SMYD3: variants seen among roughly 807,000 people sequenced by gnomAD.
The protein encoded by SMYD3 is SET and MYND domain containing 3, also known as histone-lysine N-methyltransferase SMYD3.
A neutral mutation model predicts 57.7 loss-of-function variants in SMYD3; 36 were observed. That is an observed-to-expected ratio of 0.62 (90% CI 0.48 to 0.82). The LOEUF is 0.82. Ranked by LOEUF, SMYD3 falls within the 40% of genes least tolerant of loss-of-function variation. The pLI is 0.00. For synonymous variants in SMYD3, 211 were observed against 195.0 expected (o/e 1.08, Z -0.68); for missense variants, 515 against 538.8 (o/e 0.96, Z 0.44).
At chr1:246,400,978 A>G (rs570318010) in intron 1 of SMYD3, among the ~76,000 whole-genome samples, 94 of 152,306 alleles carry the variant, frequency 6.2e-4, no homozygotes, top group African/African-American at 2.1e-3. Context: ...CAAAATCTGA[A>G]GCTCATAAAT....
intron 5 of SMYD3, chr1:246,186,655 TA>T: frequency 1.4e-6 from 1 of 723,784 alleles, no homozygotes; most frequent in Non-Finnish European, 1.7e-6. Context: ...GCCCCAAAAC[TA>T]AGAGACAATG....
chr1:246,338,171 C>T (rs950966735), intron 2 of SMYD3, among the ~76,000 whole-genome samples: 10 of 152,166 alleles, frequency 6.6e-5, no homozygotes, highest in African/African-American at 2.2e-4. Context: ...TATGGTACCA[C>T]ATATCAGCCC....
rs1558347068 is a variant in SMYD3, at chr1:246,247,487, T to TATA, written c.531+79713_531+79714insTAT. On this transcript the variant is annotated intron_variant, in intron 5 of 11. Coordinates refer to ENST00000490107, the MANE Select transcript of SMYD3 (RefSeq NM_001167740.2). ...TCTCTATATATATATATATATATAT[T>TATA]TTTTAACATGGGACTCATATATATA... 6.2e-4 allele frequency among the ~76,000 whole-genome samples: 88 copies of TATA among 141,326 alleles called. No homozygotes were observed. In the East Asian group the frequency reaches 7.9e-3, roughly 13 times the overall value. 92.7% of individuals were successfully genotyped at this position (141,326 alleles called of 152,430 possible).
intron 5 of SMYD3, among the ~76,000 whole-genome samples, chr1:246,298,249 G>C (rs1220522688): frequency 2.6e-5 from 4 of 151,702 alleles, no homozygotes; most frequent in African/African-American, 9.7e-5. Context: ...ATAATAAATA[G>C]AAGCTATTAC....
intron 8 of SMYD3, among the ~76,000 whole-genome samples, chr1:245,911,666 C>T (rs917349784): frequency 6.6e-6 from 1 of 151,906 alleles, no homozygotes. Context: ...CTCACTCATA[C>T]ATGGGAACTA....
At chr1:246,309,173 G>C (rs1359877264) in intron 5 of SMYD3, among the ~76,000 whole-genome samples, 2 of 151,932 alleles carry the variant, frequency 1.3e-5, no homozygotes, top group East Asian at 1.9e-4. Context: ...GTTAAAAAAA[G>C]CTTAATTGTT....
intron 10 of SMYD3, among the ~76,000 whole-genome samples, chr1:245,780,691 C>T (rs1259000421): frequency 1.3e-5 from 2 of 152,080 alleles, no homozygotes; most frequent in African/African-American, 4.8e-5. Flanking sequence ...GGTATGCAAG[C>T]GCTATCTCAA....
intron 1 of SMYD3, 59 bp downstream of exon 1, chr1:246,506,995 C>CCCCCCCCCA: frequency 1.2e-6 from 1 of 825,154 alleles, no homozygotes. Context: ...CGACGCCCCC[C>CCCCCCCCCA]CCTCCCCAGC....
intron 8 of SMYD3, among the ~76,000 whole-genome samples, chr1:245,889,150 A>C (rs1473043343): frequency 5.9e-5 from 9 of 152,214 alleles, no homozygotes; most frequent in Non-Finnish European, 8.8e-5. Flanking sequence ...AAGGTCAAAC[A>C]TGTCATGTTT....
chr1:246,038,914 T>C (rs1049408722), intron 5 of SMYD3, among the ~76,000 whole-genome samples: 1 of 152,134 alleles, frequency 6.6e-6, no homozygotes, highest in African/African-American at 2.4e-5. Flanking sequence ...CCAATTAAAA[T>C]ACATGTTATT....
At chr1:245,848,259 A>G (rs1050819411) in intron 10 of SMYD3, among the ~76,000 whole-genome samples, 8 of 144,178 alleles carry the variant, frequency 5.5e-5, no homozygotes, top group African/African-American at 1.8e-4. Context: ...TTGAGCCACC[A>G]TGCCGAGTTA....
chr1:246,038,155 C>T (rs76661530), intron 5 of SMYD3, among the ~76,000 whole-genome samples: 1 of 152,112 alleles, frequency 6.6e-6, no homozygotes. Flanking sequence ...CTATTTTTCT[C>T]CCAGTTTAGT....
At chr1:246,462,430 G>C (rs570667571) in intron 1 of SMYD3, among the ~76,000 whole-genome samples, 1 of 152,130 alleles carries the variant, frequency 6.6e-6, no homozygotes, top group Non-Finnish European at 1.5e-5. Context: ...GACTCCATGG[G>C]GGCCTGGCCT....
At chr1:245,824,869 A>AG (rs2049388913) in intron 10 of SMYD3, among the ~76,000 whole-genome samples, 1 of 147,034 alleles carries the variant, frequency 6.8e-6, no homozygotes, top group African/African-American at 2.5e-5. Flanking sequence ...AAAAAAAAAA[A>AG]CAAAAAAAAA....
chr1:246,238,121 T>TA (rs1023910896), intron 5 of SMYD3, among the ~76,000 whole-genome samples: 23 of 152,136 alleles, frequency 1.5e-4, no homozygotes, highest in African/African-American at 5.6e-4. Context: ...TGAAGTGCAG[T>TA]GGCACGATCT....
intron 10 of SMYD3, among the ~76,000 whole-genome samples, chr1:245,838,902 G>A (rs893798792): frequency 6.6e-6 from 1 of 152,186 alleles, no homozygotes; most frequent in Non-Finnish European, 1.5e-5. Context: ...ATCTAGAGGC[G>A]TTGCATTATC....
chr1:245,996,856 C>T (rs2058940494), intron 5 of SMYD3, among the ~76,000 whole-genome samples: 1 of 152,232 alleles, frequency 6.6e-6, no homozygotes. Context: ...TTACCAGCCC[C>T]AGCTTTACAC....
intron 5 of SMYD3, among the ~76,000 whole-genome samples, chr1:246,132,561 T>A (rs567144972): frequency 7.9e-5 from 12 of 152,216 alleles, no homozygotes; most frequent in African/African-American, 2.9e-4. Flanking sequence ...GAAGTCTTCA[T>A]GGCATTGGCT....
At chr1:246,048,154 A>T (rs2060003084) in intron 5 of SMYD3, among the ~76,000 whole-genome samples, 1 of 152,248 alleles carries the variant, frequency 6.6e-6, no homozygotes, top group Non-Finnish European at 1.5e-5. Flanking sequence ...GCAAATAACC[A>T]GTATATAAAA....
Sources: gnomAD v4.1 joint callset for allele counts (sites outside exome capture counted in the v4.1 genomes callset) on GRCh38, gnomAD v4.1.1 for gene constraint, MANE v1.5 for transcripts, NCBI Gene and HGNC (gene_info 2026-07-23, HGNC 2026-07-21) for gene names.